Variants in ST6GAL2 observed in about 807,000 individuals in gnomAD.
ST6GAL2 encodes the protein beta-galactoside alpha-2,6-sialyltransferase 2.
A neutral mutation model predicts 37.5 loss-of-function variants in ST6GAL2; 24 were observed. That is an observed-to-expected ratio of 0.64 (90% CI 0.46 to 0.90). The LOEUF (loss-of-function observed/expected upper bound fraction) is 0.90. Ranked by LOEUF, ST6GAL2 falls within the 40% of genes least tolerant of loss-of-function variation. The pLI is 0.00. For synonymous variants in ST6GAL2, 306 were observed against 295.1 expected, an observed-to-expected ratio of 1.04 and a Z score of -0.38; for missense variants, 715 against 712.7, an observed-to-expected ratio of 1.00 and a Z score of -0.04.
chr2:106,870,352 T>C (rs1678212942), intron 1 of ST6GAL2, among the ~76,000 whole-genome samples: 1 of 152,122 alleles, frequency 6.6e-6, no homozygotes, highest in African/African-American at 2.4e-5. Flanking sequence ...ACGTGAAAAC[T>C]TCCAGTTAGC....
At chr2:106,860,856 T>C (rs1677771450) in intron 1 of ST6GAL2, among the ~76,000 whole-genome samples, 1 of 152,146 alleles carries the variant, frequency 6.6e-6, no homozygotes, top group South Asian at 2.1e-4. Context: ...AACTTAGAAG[T>C]ATGTCTGAAA....
intron 5 of ST6GAL2, chr2:106,813,212 T>C: frequency 1.5e-6 from 2 of 1,374,782 alleles, no homozygotes; most frequent in Non-Finnish European, 1.9e-6. Flanking sequence ...ATGGCCAATT[T>C]TTACAAATGA....
chr2:106,859,110 T>C (rs941950843), intron 1 of ST6GAL2, among the ~76,000 whole-genome samples: 1 of 152,172 alleles, frequency 6.6e-6, no homozygotes, highest in Admixed American at 6.5e-5. Flanking sequence ...CCTGATGTCA[T>C]GAGGCTGTCT....
intron 5 of ST6GAL2, among the ~76,000 whole-genome samples, chr2:106,829,636 G>A (rs142410181): frequency 3.4e-4 from 52 of 152,162 alleles, no homozygotes; most frequent in African/African-American, 1.1e-3. Context: ...AAAATAAAAC[G>A]GTTCTTGCTT....
At chr2:106,860,181 T>A (rs1677741144) in intron 1 of ST6GAL2, among the ~76,000 whole-genome samples, 1 of 152,288 alleles carries the variant, frequency 6.6e-6, no homozygotes, top group South Asian at 2.1e-4. Flanking sequence ...CTTGGACATC[T>A]TTGTTTGGAT....
intron 1 of ST6GAL2, among the ~76,000 whole-genome samples, chr2:106,852,466 T>C (rs987265100): frequency 2.0e-5 from 3 of 152,216 alleles, no homozygotes; most frequent in African/African-American, 7.2e-5. Context: ...AATTCAGATG[T>C]TTGAGTAACC....
intron 1 of ST6GAL2, among the ~76,000 whole-genome samples, chr2:106,860,045 C>A (rs1287038568): frequency 6.6e-6 from 1 of 152,082 alleles, no homozygotes; most frequent in African/African-American, 2.4e-5. Context: ...TTCCCTCTGC[C>A]TGGGACAAGC....
chr2:106,879,024 T>C (rs1678629162), intron 1 of ST6GAL2, among the ~76,000 whole-genome samples: 1 of 152,206 alleles, frequency 6.6e-6, no homozygotes, highest in Non-Finnish European at 1.5e-5. Context: ...ACACACCATC[T>C]AGAAACAACC....
chr2:106,866,860 C>T (rs1678046985), intron 1 of ST6GAL2, among the ~76,000 whole-genome samples: 1 of 152,070 alleles, frequency 6.6e-6, no homozygotes, highest in Admixed American at 6.5e-5. Flanking sequence ...GAAAGAAATA[C>T]ATAGGAATGT....
chr2:106,872,576 C>T (rs557860887), intron 1 of ST6GAL2, among the ~76,000 whole-genome samples: 1 of 152,140 alleles, frequency 6.6e-6, no homozygotes, highest in East Asian at 1.9e-4. Flanking sequence ...TATTCAAATG[C>T]CCCACATACA....
intron 2 of ST6GAL2, among the ~76,000 whole-genome samples, chr2:106,842,534 C>T (rs1676931011): frequency 6.6e-6 from 1 of 152,222 alleles, no homozygotes; most frequent in South Asian, 2.1e-4. Context: ...TCTTCATGCA[C>T]CCTGCTCTTT....
At chr2:106,845,192 G>A (rs551271518) in intron 1 of ST6GAL2, among the ~76,000 whole-genome samples, 1 of 152,304 alleles carries the variant, frequency 6.6e-6, no homozygotes, top group African/African-American at 2.4e-5. Context: ...TGGTGGGGGT[G>A]CTGGAAGAAG....
chr2:106,845,183 G>C (rs910447866), intron 1 of ST6GAL2, among the ~76,000 whole-genome samples: 1 of 152,134 alleles, frequency 6.6e-6, no homozygotes. Context: ...TGGGTGTTTT[G>C]GTGGGGGTGC....
chr2:106,872,581 C>T (rs1678316691), intron 1 of ST6GAL2, among the ~76,000 whole-genome samples: 3 of 152,140 alleles, frequency 2.0e-5, no homozygotes, highest in African/African-American at 7.2e-5. Context: ...AAATGCCCCA[C>T]ATACATCCTT....
rs560864085 is a variant in ST6GAL2, at chr2:106,826,748, A to T, written c.1318+3318T>A. On this transcript the variant is annotated intron_variant, in intron 5 of 5. Coordinates refer to ENST00000409382, the MANE Select transcript of ST6GAL2 (RefSeq NM_001142351.2). ...AGGGTTTAGAAATATAAGTAATGGCATGGGAGACTATAAGGATGAACATAT... is the reference window on the plus strand; with the variant it reads ...AGGGTTTAGAAATATAAGTAATGGCTTGGGAGACTATAAGGATGAACATAT... Among the ~76,000 whole-genome samples, 4 of 152,348 alleles carry T rather than the reference A, an allele frequency of 2.6e-5. No individual in the cohort carries two copies. The South Asian group carries it at 8.3e-4, about 32-fold the overall frequency.
intron 2 of ST6GAL2, among the ~76,000 whole-genome samples, chr2:106,835,732 T>C (rs560547981): frequency 1.2e-4 from 18 of 152,264 alleles, no homozygotes; most frequent in African/African-American, 4.3e-4. Context: ...GAGATACAGT[T>C]CACAAAACAA....
chr2:106,881,616 C>G (rs1039727017), intron 1 of ST6GAL2, among the ~76,000 whole-genome samples: 1 of 152,180 alleles, frequency 6.6e-6, no homozygotes, highest in Non-Finnish European at 1.5e-5. Context: ...GAGACTTACC[C>G]TTTCCCATAT....
intron 5 of ST6GAL2, among the ~76,000 whole-genome samples, chr2:106,829,515 A>T (rs1676330579): frequency 6.6e-6 from 1 of 152,196 alleles, no homozygotes; most frequent in African/African-American, 2.4e-5. Flanking sequence ...TGGATGTGGG[A>T]GTGAAGTAAT....
At chr2:106,844,214 C>T (rs560859740) in intron 1 of ST6GAL2, among the ~76,000 whole-genome samples, 180 bp from the exon 2 acceptor site, 81 of 152,056 alleles carry the variant, frequency 5.3e-4, no homozygotes, top group Non-Finnish European at 9.4e-4. Context: ...TCCCCCTCCC[C>T]GCCCCCCACC....
Sources: gnomAD v4.1 joint callset for allele counts (sites outside exome capture counted in the v4.1 genomes callset) on GRCh38, gnomAD v4.1.1 for gene constraint, MANE v1.5 for transcripts, NCBI Gene and HGNC (gene_info 2026-07-23, HGNC 2026-07-21) for gene names.